Variants in PECR observed in about 807,000 individuals in gnomAD.
PECR encodes peroxisomal trans-2-enoyl-CoA reductase, also known as 2,4-dienoyl-CoA reductase-related protein.
PECR carries 30 observed loss-of-function variants against 35.3 expected under a neutral mutation model. The observed-to-expected ratio is 0.85, with a 90% confidence interval of 0.64 to 1.15. PECR has a LOEUF of 1.15. PECR is among the 50% of genes most tolerant of loss of function. PECR has a pLI of 0.00. For missense variants in PECR, 392 were observed against 370.8 expected (o/e 1.06, Z -0.47); for synonymous variants, 148 against 138.9 (o/e 1.07, Z -0.46).
chr2:216,052,002 C>A (rs1695125472), intron 4 of PECR, among the ~76,000 whole-genome samples: 1 of 152,154 alleles, frequency 6.6e-6, no homozygotes, highest in East Asian at 1.9e-4. Flanking sequence ...GCCTGGCCAA[C>A]ATGGTGAAAC....
intron 4 of PECR, among the ~76,000 whole-genome samples, chr2:216,053,757 A>G (rs1041858531): frequency 6.6e-6 from 1 of 152,172 alleles, no homozygotes; most frequent in Non-Finnish European, 1.5e-5. Context: ...AGTGCCTGTT[A>G]TCTAAGGTTG....
intron 2 of PECR, among the ~76,000 whole-genome samples, 157 bp from the exon 3 acceptor site, chr2:216,065,634 A>G (rs1695451109): frequency 6.6e-6 from 1 of 152,220 alleles, no homozygotes; most frequent in Non-Finnish European, 1.5e-5. Flanking sequence ...GAATAAGACT[A>G]AAAATCCTAC....
intron 6 of PECR, among the ~76,000 whole-genome samples, chr2:216,048,843 CAAAA>C (rs59623283): frequency 2.7e-5 from 2 of 74,084 alleles, no homozygotes; most frequent in Non-Finnish European, 2.6e-5. Flanking sequence ...CTGTCTCAAG[CAAAA>C]AAAAAAAAAA....
intron 1 of PECR, among the ~76,000 whole-genome samples, chr2:216,074,396 A>C (rs1418306941): frequency 6.6e-6 from 1 of 152,026 alleles, no homozygotes; most frequent in Non-Finnish European, 1.5e-5. Context: ...CAGTGAGGCA[A>C]GATTGTGCCT....
intron 6 of PECR, among the ~76,000 whole-genome samples, chr2:216,046,004 C>G (rs1485172107): frequency 1.3e-5 from 2 of 151,782 alleles, no homozygotes; most frequent in African/African-American, 4.8e-5. Context: ...TAGTGAAACA[C>G]TGTCTCTACT....
chr2:216,054,122 T>G (rs567953885), intron 4 of PECR, among the ~76,000 whole-genome samples: 2 of 151,944 alleles, frequency 1.3e-5, no homozygotes, highest in East Asian at 3.9e-4. Context: ...CCGTTTCTAC[T>G]AAAAATACAA....
At chr2:216,042,137 G>C (rs965085790) in intron 7 of PECR, among the ~76,000 whole-genome samples, 4 of 152,186 alleles carry the variant, frequency 2.6e-5, no homozygotes, top group African/African-American at 9.7e-5. Flanking sequence ...CATCCTGTGG[G>C]ACTGAGCCCT....
At chr2:216,047,983 A>ATT (rs34079201) in intron 6 of PECR, among the ~76,000 whole-genome samples, 8 of 134,860 alleles carry the variant, frequency 5.9e-5, no homozygotes, top group African/African-American at 2.0e-4. Context: ...GAGGCAGGTG[A>ATT]TTTTTTTTTT....
At chr2:216,037,275 T>C (rs1273442636), downstream of PECR, among the ~76,000 whole-genome samples, 1 of 152,236 alleles carries the variant, frequency 6.6e-6, no homozygotes, top group Admixed American at 6.5e-5. Flanking sequence ...TGTCCAGTGA[T>C]AGTCTAAGAA....
In PECR at chr2:216,071,935, A is replaced by G. The variant is rs112850687; in HGVS notation, c.125-5417T>C. On this transcript the variant is annotated intron_variant, in intron 1 of 7. Coordinates refer to ENST00000265322, the MANE Select transcript of PECR (RefSeq NM_018441.6). ...ATAATTGTACTTTTTCCCATTGACT[A>G]TTTTTGCTTTGAATGGTTTCAGCTT... 3.3e-3 allele frequency among the ~76,000 whole-genome samples: 501 copies of G among 152,276 alleles called. 2 individuals are homozygous for G. The highest frequency in any genetic ancestry group is 0.011 in the African/African-American group (469 of 41,540).
intron 1 of PECR, among the ~76,000 whole-genome samples, chr2:216,074,337 C>T (rs896380995): frequency 6.6e-6 from 1 of 152,164 alleles, no homozygotes; most frequent in Non-Finnish European, 1.5e-5. Context: ...ATCCCAGCTA[C>T]TCAGGAGACT....
At chr2:216,048,517 C>T (rs1353478474) in intron 6 of PECR, among the ~76,000 whole-genome samples, 1 of 151,880 alleles carries the variant, frequency 6.6e-6, no homozygotes, top group Non-Finnish European at 1.5e-5. Flanking sequence ...CGAGACTAGC[C>T]TAGCCAACAT....
intron 4 of PECR, among the ~76,000 whole-genome samples, chr2:216,055,450 CA>C (rs1559212560): frequency 2.3e-5 from 3 of 130,344 alleles, no homozygotes; most frequent in Non-Finnish European, 3.4e-5. Context: ...AAAAAAAAAA[CA>C]AAAAAACAAA....
chr2:216,058,956 C>G lies in PECR; in HGVS notation c.445G>C (p.Glu149Gln). The G allele has an allele frequency of 6.2e-7, 1 of 1,608,396 alleles. No individual in the cohort carries two copies. Among genetic ancestry groups the G allele is most frequent in the Non-Finnish European group, 8.5e-7 (1 of 1,175,068 alleles). ...ATATTGACGATAGATCCTCCATGCT[C>G]TTTCATCCAGGAGCTGTAAACTGCA... Reference protein sequence around the residue: ...CKAVYSSWMKEHGGSIVNIIV... With the variant: ...CKAVYSSWMKQHGGSIVNIIV... The change falls in exon 4 of 8, where the codon GAG becomes CAG. Residue 149 changes from glutamate to glutamine, a missense_variant. Physicochemically the swap from Glu to Gln is conservative, Grantham distance 29. Transcript: ENST00000265322.
Position 216,047,206 on chromosome 2 carries a change from C to T in PECR, c.714+2057G>A, listed in dbSNP as rs566192004. 3.3e-5 allele frequency among the ~76,000 whole-genome samples: 5 copies of T among 150,442 alleles called. 1 individual carries two copies. The highest frequency in any genetic ancestry group is 2.1e-4 in the South Asian group (1 of 4,782). On this transcript the variant is annotated intron_variant, in intron 6 of 7. Coordinates refer to ENST00000265322, the MANE Select transcript of PECR (RefSeq NM_018441.6). Reference sequence around the variant, plus strand: ...CCAGGAGGTAGAGGTTGTGGTGAGCCGAGATCGTGCCACCGCACTCCAGCC... The same window carrying T: ...CCAGGAGGTAGAGGTTGTGGTGAGCTGAGATCGTGCCACCGCACTCCAGCC...
intron 7 of PECR, among the ~76,000 whole-genome samples, chr2:216,029,348 C>T (rs546989997): frequency 2.6e-5 from 4 of 152,188 alleles, no homozygotes; most frequent in South Asian, 2.1e-4. Flanking sequence ...CGTGGTGGCG[C>T]GCTTCTGTAG....
chr2:216,053,236 ATTTTGTTTTG>A (rs149907098), intron 4 of PECR, among the ~76,000 whole-genome samples: 2 of 149,718 alleles, frequency 1.3e-5, no homozygotes, highest in African/African-American at 2.5e-5. Flanking sequence ...ATCTGTTCTG[ATTTTGTTTTG>A]TTTTGTTTTG....
At chr2:216,034,132 T>G (rs1413601735), downstream of PECR, 1 of 152,206 alleles carries the variant, frequency 6.6e-6, no homozygotes, top group Non-Finnish European at 1.5e-5. Flanking sequence ...AAGAAGCCAC[T>G]GCCCAGACAG....
chr2:216,079,588 C>T (rs1243370175), intron 1 of PECR, among the ~76,000 whole-genome samples: 1 of 151,392 alleles, frequency 6.6e-6, no homozygotes, highest in African/African-American at 2.4e-5. Context: ...AGGCTAGTCT[C>T]GAACTCTTGA....
Sources: gnomAD v4.1 joint callset for allele counts (sites outside exome capture counted in the v4.1 genomes callset) on GRCh38, gnomAD v4.1.1 for gene constraint, MANE v1.5 for transcripts, NCBI Gene and HGNC (gene_info 2026-07-23, HGNC 2026-07-21) for gene names.